RBMS3: variants seen among roughly 807,000 people sequenced by gnomAD.
RBMS3 encodes the protein RNA binding motif single stranded interacting protein 3, also known as RNA-binding motif, single-stranded-interacting protein 3.
RBMS3 carries 27 observed loss-of-function variants against 66.8 expected under a neutral mutation model. That is an observed-to-expected ratio of 0.40 (90% CI 0.30 to 0.56). The LOEUF is 0.56. Ranked by LOEUF, RBMS3 falls within the 20% of genes least tolerant of loss-of-function variation. The probability of loss-of-function intolerance (pLI) is 0.40; values close to 1 mark genes in which losing one functional copy is unlikely to be tolerated. For missense variants in RBMS3, 513 were observed against 549.5 expected (o/e 0.93, Z 0.66); for synonymous variants, 188 against 183.0 (o/e 1.03, Z -0.22).
chr3:29,290,290 C>G (rs1394381879), intron 1 of RBMS3, among the ~76,000 whole-genome samples: 1 of 151,814 alleles, frequency 6.6e-6, no homozygotes, highest in Non-Finnish European at 1.5e-5. Flanking sequence ...ATTTAAGAGA[C>G]TTGGAATGAT....
At chr3:29,998,006 A>G (rs944568332) in intron 14 of RBMS3, among the ~76,000 whole-genome samples, 5 of 152,346 alleles carry the variant, frequency 3.3e-5, no homozygotes, top group Admixed American at 2.0e-4. Context: ...ACATGATTGT[A>G]TATCTAGAAA....
intron 2 of RBMS3, among the ~76,000 whole-genome samples, chr3:29,435,945 G>A (rs1430466778): frequency 2.1e-5 from 3 of 146,308 alleles, no homozygotes; most frequent in Non-Finnish European, 3.0e-5. Context: ...CTGCACTCCA[G>A]CTTGGGCAAC....
chr3:29,648,564 C>A (rs2050029962), intron 4 of RBMS3, among the ~76,000 whole-genome samples: 1 of 152,030 alleles, frequency 6.6e-6, no homozygotes, highest in South Asian at 2.1e-4. Context: ...TGAGCCACCA[C>A]AACTGGCTAG....
intron 12 of RBMS3, among the ~76,000 whole-genome samples, chr3:29,961,880 G>A (rs1696473376): frequency 6.6e-6 from 1 of 151,014 alleles, no homozygotes; most frequent in Non-Finnish European, 1.5e-5. Context: ...TCAGGAGGGA[G>A]TTAAACTGAC....
intron 5 of RBMS3, 122 bp downstream of exon 5, chr3:29,739,999 A>G (rs935984815): frequency 6.3e-6 from 5 of 788,556 alleles, no homozygotes; most frequent in Non-Finnish European, 9.2e-6. Context: ...AATTAAAAGT[A>G]GCTTATCAAA....
At chr3:29,839,793 T>C (rs565079081) in intron 6 of RBMS3, among the ~76,000 whole-genome samples, 11 of 151,904 alleles carry the variant, frequency 7.2e-5, no homozygotes, top group Admixed American at 2.0e-4. Context: ...TTTGCAAATA[T>C]TATAAAATAG....
At chr3:29,350,198 A>T (rs1334373776) in intron 1 of RBMS3, among the ~76,000 whole-genome samples, 1 of 151,820 alleles carries the variant, frequency 6.6e-6, no homozygotes, top group Non-Finnish European at 1.5e-5. Context: ...CATTTTGAAC[A>T]TTTTTGAAAG....
chr3:29,331,825 T>C (rs942475454), intron 1 of RBMS3, among the ~76,000 whole-genome samples: 1 of 149,428 alleles, frequency 6.7e-6, no homozygotes, highest in Non-Finnish European at 1.5e-5. Context: ...CTTTTTTTTT[T>C]TTTTTTTTTT....
At chr3:29,946,983 G>A (rs182752290) in intron 12 of RBMS3, among the ~76,000 whole-genome samples, 1 of 151,606 alleles carries the variant, frequency 6.6e-6, no homozygotes, top group African/African-American at 2.4e-5. Context: ...TTATGATATT[G>A]GCAAGAAAGT....
intron 4 of RBMS3, among the ~76,000 whole-genome samples, chr3:29,671,623 C>T (rs957887025): frequency 6.6e-6 from 1 of 152,198 alleles, no homozygotes; most frequent in Non-Finnish European, 1.5e-5. Context: ...GGCACAAGAA[C>T]TACGTGACAC....
At position 29,898,366 on chromosome 3, in the gene RBMS3, G is replaced by C. The variant is rs538729004; in HGVS notation, c.888+891G>C. ...TGTATGCATGTGCTTCTTGAATTTTGCAGCTGGTGGGGGTGGATGTTATAT... is the reference window on the plus strand; with the variant it reads ...TGTATGCATGTGCTTCTTGAATTTTCCAGCTGGTGGGGGTGGATGTTATAT... On this transcript the variant is annotated intron_variant, in intron 9 of 14. Coordinates refer to ENST00000383767, the MANE Select transcript of RBMS3 (RefSeq NM_001003793.3). 1.3e-5 allele frequency among the ~76,000 whole-genome samples: 2 copies of C among 151,716 alleles called. 1 individual carries two copies. The highest frequency in any genetic ancestry group is 4.1e-4 in the South Asian group (2 of 4,822).
intron 1 of RBMS3, among the ~76,000 whole-genome samples, chr3:29,352,603 G>A (rs1449668095): frequency 6.6e-6 from 1 of 151,982 alleles, no homozygotes; most frequent in Non-Finnish European, 1.5e-5. Flanking sequence ...AACAATTCAA[G>A]TTTTCTAGCT....
intron 1 of RBMS3, among the ~76,000 whole-genome samples, chr3:29,310,129 G>A (rs1001578948): frequency 6.6e-6 from 1 of 151,688 alleles, no homozygotes; most frequent in African/African-American, 2.4e-5. Context: ...CAAGGGCACA[G>A]GTGGAGCAAT....
chr3:29,958,858 TA>T (rs34116357), intron 12 of RBMS3, among the ~76,000 whole-genome samples: 1 of 152,170 alleles, frequency 6.6e-6, no homozygotes, highest in South Asian at 2.1e-4. Flanking sequence ...ATTTGTGTGT[TA>T]AAAAATGAGT....
At chr3:29,784,596 A>T (rs1275283934) in intron 6 of RBMS3, among the ~76,000 whole-genome samples, 1 of 152,120 alleles carries the variant, frequency 6.6e-6, no homozygotes, top group Non-Finnish European at 1.5e-5. Context: ...AAGGAGCACA[A>T]ATAGACAATC....
chr3:29,825,348 T>C (rs2058183614), intron 6 of RBMS3, among the ~76,000 whole-genome samples: 1 of 152,100 alleles, frequency 6.6e-6, no homozygotes, highest in Non-Finnish European at 1.5e-5. Flanking sequence ...TTATTCATTT[T>C]TTATGTGTTG....
At chr3:29,289,492 C>T (rs1411393643) in intron 1 of RBMS3, among the ~76,000 whole-genome samples, 1 of 151,704 alleles carries the variant, frequency 6.6e-6, no homozygotes, top group Non-Finnish European at 1.5e-5. Flanking sequence ...GTTTATAATA[C>T]ATCAAATGGT....
intron 12 of RBMS3, among the ~76,000 whole-genome samples, chr3:29,983,740 C>G (rs1271037235): frequency 6.6e-6 from 1 of 151,584 alleles, no homozygotes; most frequent in African/African-American, 2.4e-5. Context: ...ATATTTGCCA[C>G]CATTCTCTTC....
chr3:29,843,982 T>G (rs1448693718), intron 6 of RBMS3, among the ~76,000 whole-genome samples: 1 of 152,032 alleles, frequency 6.6e-6, no homozygotes, highest in African/African-American at 2.4e-5. Flanking sequence ...TGCTTTCAGT[T>G]AGTCTGTTCA....
Sources: allele counts gnomAD v4.1 joint callset (sites outside exome capture counted in the v4.1 genomes callset), GRCh38; gene constraint gnomAD v4.1.1; transcripts MANE v1.5; gene names NCBI Gene and HGNC (gene_info 2026-07-23, HGNC 2026-07-21).